Variants in KLF16 observed in about 807,000 individuals in gnomAD.
KLF16 encodes KLF transcription factor 16, also known as Krueppel-like factor 16.
KLF16 carries 6 observed loss-of-function variants against 6.1 expected under a neutral mutation model. The ratio of observed to expected loss-of-function variants is 0.98; its 90% CI spans 0.54 to 1.93. KLF16 has a LOEUF of 1.93. Among genes scored for constraint, KLF16 ranks in the 30% most tolerant of loss-of-function variants. The pLI is 0.01. For synonymous variants in KLF16, 211 were observed against 176.5 expected, an observed-to-expected ratio of 1.20 and a Z score of -1.55; for missense variants, 355 against 363.8, an observed-to-expected ratio of 0.98 and a Z score of 0.20.
At chr19:1,862,821 C>A (rs1408372289) in intron 1 of KLF16, 2 of 346,578 alleles carry the variant, frequency 5.8e-6, no homozygotes, top group Non-Finnish European at 1.0e-5. Context: ...GCCCCCGCCA[C>A]TGCCGCCGGG....
chr19:1,876,302 T>C, the KLF16 span: 1 of 152,416 alleles, frequency 6.6e-6, no homozygotes, highest in African/African-American at 2.4e-5. Flanking sequence ...TGGATGCAGC[T>C]TGGGATCCCG....
the KLF16 span, among the ~76,000 whole-genome samples, chr19:1,871,670 G>A: frequency 4.6e-5 from 7 of 152,266 alleles, no homozygotes; most frequent in African/African-American, 1.7e-4. Context: ...GGGGGGCGGG[G>A]GGGCAGCTGC....
upstream of KLF16, among the ~76,000 whole-genome samples, chr19:1,866,947 TG>T (rs2012198006): frequency 6.6e-6 from 1 of 152,032 alleles, no homozygotes; most frequent in African/African-American, 2.4e-5. Context: ...CACCTATAAA[TG>T]GGGGCTCACC....
intron 1 of KLF16, among the ~76,000 whole-genome samples, chr19:1,855,683 C>T (rs1036075137): frequency 2.6e-5 from 4 of 152,262 alleles, no homozygotes; most frequent in African/African-American, 9.6e-5. Flanking sequence ...CGGGGTCTCA[C>T]GCCCACAGCA....
chr19:1,873,630 C>T, the KLF16 span, among the ~76,000 whole-genome samples: 1 of 151,892 alleles, frequency 6.6e-6, no homozygotes, highest in Non-Finnish European at 1.5e-5. Flanking sequence ...CCTGGAAAAT[C>T]CACAAAATGG....
chr19:1,866,598 G>T (rs1313501497), upstream of KLF16, among the ~76,000 whole-genome samples: 1 of 148,614 alleles, frequency 6.7e-6, no homozygotes, highest in Admixed American at 6.7e-5. Context: ...TGGGTGACAA[G>T]AGAGAAACTG....
At chr19:1,868,017 TTTGC>T (rs1384025354), upstream of KLF16, among the ~76,000 whole-genome samples, 37 of 152,152 alleles carry the variant, frequency 2.4e-4, no homozygotes, top group Middle Eastern at 3.4e-3. Flanking sequence ...CAGTCGGGTC[TTTGC>T]TTTGTGATAG....
the KLF16 span, among the ~76,000 whole-genome samples, chr19:1,869,930 CTTTT>C: frequency 3.6e-5 from 4 of 109,746 alleles, no homozygotes; most frequent in South Asian, 2.9e-4. Context: ...AATACTTTTT[CTTTT>C]TTTTTTTTTT....
chr19:1,864,567 G>A (rs1266536110), upstream of KLF16, among the ~76,000 whole-genome samples: 4 of 152,126 alleles, frequency 2.6e-5, no homozygotes, highest in African/African-American at 4.8e-5. Flanking sequence ...GGAAGAGGGG[G>A]CCGAACGCAA....
chr19:1,860,726 C>T (rs1193372694), intron 1 of KLF16, among the ~76,000 whole-genome samples: 1 of 152,208 alleles, frequency 6.6e-6, no homozygotes, highest in Non-Finnish European at 1.5e-5. Context: ...GCAGCCATTC[C>T]CTCCCTCCTC....
the KLF16 span, among the ~76,000 whole-genome samples, chr19:1,874,081 A>G: frequency 6.6e-6 from 1 of 152,176 alleles, no homozygotes; most frequent in African/African-American, 2.4e-5. Flanking sequence ...TGGAACTAGT[A>G]CCACATGGAT....
Position 1,863,301 on chromosome 19 carries a change from G to A in KLF16, c.197C>T (p.Ser66Phe), listed in dbSNP as rs912134583. ...CGCGGCGGCGCCGGGGCCCGGGCCAGAAGCGGCGGGGGGCGGCGGGGGTGG... is the reference window on the plus strand; with the variant it reads ...CGCGGCGGCGCCGGGGCCCGGGCCAAAAGCGGCGGGGGGCGGCGGGGGTGG... Reference protein sequence around the residue: ...PGPPPPPPAASGPGPGAAAAP... With the variant: ...PGPPPPPPAAFGPGPGAAAAP... Residue 66 changes from serine to phenylalanine, a missense_variant, in exon 1 of 2, where the codon TCT becomes TTT. Transcript: ENST00000250916. The A allele has an allele frequency of 7.6e-5, 75 of 982,250 alleles. No individual in the cohort carries two copies. The African/African-American group carries it at 1.1e-3, about 14-fold the overall frequency. 60.8% of individuals were successfully genotyped at this position (982,250 alleles called of 1,614,324 possible). A position where few individuals can be genotyped will look rare whatever the true frequency, so the allele number is the denominator to read the frequency against.
At position 1,854,248 on chromosome 19, in the gene KLF16, A is replaced by G. The variant is rs916929146; in HGVS notation, c.*211T>C. 1 of 497,036 alleles carries G rather than the reference A, an allele frequency of 2.0e-6. No individual in the cohort carries two copies. The highest frequency in any genetic ancestry group is 3.3e-6 in the Non-Finnish European group (1 of 306,298). The allele number at this position is 497,036 out of a possible 1,614,324, so 30.8% of individuals were successfully genotyped here. A position where few individuals can be genotyped will look rare whatever the true frequency, so the allele number is the denominator to read the frequency against. ...AAGTTAGTATCATGGCTATTTACAG[A>G]CACAAGCCCCCGTCACCCATCCTGA... On this transcript the variant is annotated 3_prime_UTR_variant, in exon 2 of 2. Coordinates refer to ENST00000250916, the MANE Select transcript of KLF16 (RefSeq NM_031918.4).
At chr19:1,862,750 G>C in intron 1 of KLF16, 1 of 365,964 alleles carries the variant, frequency 2.7e-6, no homozygotes, top group Non-Finnish European at 4.9e-6. Flanking sequence ...GCCCAGAAAG[G>C]GAGAGAGGTG....
At chr19:1,871,396 G>C in the KLF16 span, among the ~76,000 whole-genome samples, 4 of 152,166 alleles carry the variant, frequency 2.6e-5, no homozygotes, top group Non-Finnish European at 4.4e-5. Context: ...TCAGCGGTCT[G>C]TGCCACCCAT....
rs1204801202 is a variant in KLF16 at position 1,854,278 on chromosome 19, C to T, written c.*181G>A. 4.7e-6 allele frequency: 3 copies of T among 633,698 alleles called. No homozygotes were observed. Among genetic ancestry groups the T allele is most frequent in the Non-Finnish European group, 7.1e-6 (3 of 421,106 alleles). 39.3% of individuals were successfully genotyped at this position (633,698 alleles called of 1,614,324 possible). Reference sequence around the variant, plus strand: ...AGCCCCCGTCACCCATCCTGAGAGCCACCTCTGAGGTCAGGCAGACCCAGG... The same window carrying T: ...AGCCCCCGTCACCCATCCTGAGAGCTACCTCTGAGGTCAGGCAGACCCAGG... On this transcript the variant is annotated 3_prime_UTR_variant, in exon 2 of 2. Coordinates refer to ENST00000250916, the MANE Select transcript of KLF16 (RefSeq NM_031918.4).
chr19:1,863,318 C>A lies in KLF16; in HGVS notation c.180G>T (p.Pro60=), dbSNP rs1306676782. The part of the protein sequence containing the change: ...AASPGTPGPP[P]PPPAASGPGP... Reference sequence around the variant, plus strand: ...CCGGGCCAGAAGCGGCGGGGGGCGGCGGGGGTGGCCCCGGGGTCCCGGGTG... The same window carrying A: ...CCGGGCCAGAAGCGGCGGGGGGCGGAGGGGGTGGCCCCGGGGTCCCGGGTG... Residue 60 remains proline, a synonymous_variant, in exon 1 of 2, where the codon CCG becomes CCT. Transcript: ENST00000250916. 2.0e-6 allele frequency: 2 copies of A among 980,146 alleles called. No homozygotes were observed. The highest frequency in any genetic ancestry group is 2.4e-6 in the Non-Finnish European group (2 of 828,274). The allele number at this position is 980,146 out of a possible 1,614,324, so 60.7% of individuals were successfully genotyped here.
the KLF16 span, among the ~76,000 whole-genome samples, chr19:1,869,823 G>A: frequency 2.0e-5 from 3 of 152,112 alleles, no homozygotes; most frequent in East Asian, 5.8e-4. Context: ...TTGCTGTCCA[G>A]GCTGATCTCC....
At chr19:1,871,664 G>T in the KLF16 span, among the ~76,000 whole-genome samples, 1 of 152,154 alleles carries the variant, frequency 6.6e-6, no homozygotes, top group Non-Finnish European at 1.5e-5. Flanking sequence ...CACGGTGGGG[G>T]GCGGGGGGGC....
Sources: gnomAD v4.1 joint callset for allele counts (sites outside exome capture counted in the v4.1 genomes callset) on GRCh38, gnomAD v4.1.1 for gene constraint, MANE v1.5 for transcripts, NCBI Gene and HGNC (gene_info 2026-07-23, HGNC 2026-07-21) for gene names.